The following PPARD variants were observed in gnomAD, a reference collection of about 807,000 sequenced individuals.
The protein encoded by PPARD is peroxisome proliferator activated receptor delta.
A neutral mutation model predicts 39.5 loss-of-function variants in PPARD; 6 were observed. That is an observed-to-expected ratio of 0.15 (90% CI 0.08 to 0.30). The LOEUF (loss-of-function observed/expected upper bound fraction) is 0.30. Ranked by LOEUF, PPARD falls within the 10% of genes least tolerant of loss-of-function variation. The probability of loss-of-function intolerance (pLI) is 1.00; values close to 1 mark genes in which losing one functional copy is unlikely to be tolerated. For missense variants in PPARD, 397 were observed against 596.8 expected (o/e 0.67, Z 3.49); for synonymous variants, 210 against 231.3 (o/e 0.91, Z 0.83).
chr6:35,410,321 A>T (rs1193950371), intron 2 of PPARD, among the ~76,000 whole-genome samples: 1 of 152,154 alleles, frequency 6.6e-6, no homozygotes. Context: ...AAGGGTTGGA[A>T]CTGTCTCCTC....
At position 35,412,840 on chromosome 6, in the gene PPARD, C is replaced by T. The variant is rs375433758; in HGVS notation, c.130+1623C>T. Reference sequence around the variant, plus strand: ...ATGGCTTTGGAGACACAGCCTGTCTCAGAAGAGAGGAACAGCTAACCAGGA... The same window carrying T: ...ATGGCTTTGGAGACACAGCCTGTCTTAGAAGAGAGGAACAGCTAACCAGGA... On this transcript the variant is annotated intron_variant, in intron 3 of 7. Transcript: ENST00000360694. The surrounding 1 kb of genome is among the most constrained non-coding windows in gnomAD (Gnocchi z 4.1). 1.3e-5 allele frequency among the ~76,000 whole-genome samples: 2 copies of T among 152,236 alleles called. No individual in the cohort carries two copies. The highest frequency in any genetic ancestry group is 2.1e-4 in the South Asian group (1 of 4,828).
chr6:35,355,803 G>T (rs1761577035), intron 2 of PPARD, among the ~76,000 whole-genome samples: 1 of 151,470 alleles, frequency 6.6e-6, no homozygotes, highest in South Asian at 2.1e-4. Context: ...GGTAGAGACA[G>T]GGTTTCACGG....
intron 2 of PPARD, among the ~76,000 whole-genome samples, chr6:35,391,130 G>T (rs1392218692): frequency 6.6e-6 from 1 of 152,186 alleles, no homozygotes; most frequent in Non-Finnish European, 1.5e-5. Context: ...ATGTAAAAAT[G>T]ATCTCTATCT....
intron 2 of PPARD, among the ~76,000 whole-genome samples, chr6:35,354,156 C>T (rs917192366): frequency 6.4e-4 from 85 of 133,450 alleles, no homozygotes; most frequent in African/African-American, 1.7e-3. Context: ...GGCATGAACC[C>T]GGGAGGCGGA....
chr6:35,371,299 G>A (rs1001017525), intron 2 of PPARD, among the ~76,000 whole-genome samples: 1 of 152,016 alleles, frequency 6.6e-6, no homozygotes, highest in East Asian at 1.9e-4. Context: ...TTGCTGCCCT[G>A]GTTCCTCTTC....
chr6:35,421,309 GTTT>G (rs111495656), intron 4 of PPARD, among the ~76,000 whole-genome samples: 2 of 74,930 alleles, frequency 2.7e-5, no homozygotes, highest in Non-Finnish European at 3.8e-5. Context: ...AAATAGTTGT[GTTT>G]TTTTTTTGTT....
chr6:35,416,103 C>G (rs1216001427), intron 3 of PPARD, among the ~76,000 whole-genome samples: 1 of 151,966 alleles, frequency 6.6e-6, no homozygotes, highest in South Asian at 2.1e-4. Context: ...TCTTAGTGGC[C>G]GGGCACAGTG....
intron 2 of PPARD, among the ~76,000 whole-genome samples, chr6:35,365,130 C>CCTTTTTTTT (rs1281072287): frequency 8.3e-5 from 10 of 121,086 alleles, no homozygotes; most frequent in African/African-American, 3.4e-4. Context: ...CTTCCTTATT[C>CCTTTTTTTT]TTTTTTTTTT....
intron 2 of PPARD, among the ~76,000 whole-genome samples, chr6:35,360,540 C>G (rs11967065): frequency 0.011 from 1,651 of 152,296 alleles, 18 homozygotes; most frequent in African/African-American, 0.035. Context: ...GAATTTGAGC[C>G]CTGTTCTTCT....
chr6:35,355,629 T>TTTTTGGG (rs1582284766), intron 2 of PPARD, among the ~76,000 whole-genome samples: 1 of 126,264 alleles, frequency 7.9e-6, no homozygotes, highest in Non-Finnish European at 1.6e-5. Context: ...TTTTTTTTTT[T>TTTTTGGG]GAGACGGAGT....
At chr6:35,362,755 C>T (rs192345354) in intron 2 of PPARD, among the ~76,000 whole-genome samples, 35 of 152,184 alleles carry the variant, frequency 2.3e-4, no homozygotes, top group Non-Finnish European at 2.8e-4. Context: ...GCCAGGAAGA[C>T]GCCTGGAGAA....
chr6:35,348,298 T>A (rs915397567), intron 2 of PPARD: 10 of 947,690 alleles, frequency 1.1e-5, no homozygotes, highest in Admixed American at 6.2e-5. Flanking sequence ...CTCATGGGTC[T>A]GTGGTTTGCT....
chr6:35,416,111 G>T (rs1030080866), intron 3 of PPARD, among the ~76,000 whole-genome samples: 6 of 152,106 alleles, frequency 3.9e-5, no homozygotes, highest in Non-Finnish European at 8.8e-5. Context: ...GCCGGGCACA[G>T]TGGCTCATGC....
Position 35,404,953 on chromosome 6 carries a change from T to TTGTGTGTGTGTGTGTGTG in PPARD, c.-101-6004_-101-5987dup, listed in dbSNP as rs59359748. On this transcript the variant is annotated intron_variant, in intron 2 of 7. Coordinates refer to ENST00000360694, the MANE Select transcript of PPARD (RefSeq NM_006238.5). ...GGGGGCTGCATGTGCACTGCAGGCT[T>TTGTGTGTGTGTGTGTGTG]TGTGTGTGTGTGTGTGTGTGTGTGT... Among the ~76,000 whole-genome samples the TTGTGTGTGTGTGTGTGTG allele has an allele frequency of 1.5e-4, 22 of 142,218 alleles. No homozygotes were observed. The East Asian group carries it at 1.7e-3, about 11-fold the overall frequency. 93.3% of individuals were successfully genotyped at this position (142,218 alleles called of 152,430 possible).
chr6:35,371,547 G>A (rs1367506697), intron 2 of PPARD, among the ~76,000 whole-genome samples: 2 of 151,938 alleles, frequency 1.3e-5, no homozygotes, highest in African/African-American at 4.8e-5. Flanking sequence ...TTAATAATCC[G>A]TCATTCTCTC....
chr6:35,360,311 A>G (rs1336509066), intron 2 of PPARD, among the ~76,000 whole-genome samples: 1 of 152,146 alleles, frequency 6.6e-6, no homozygotes, highest in Non-Finnish European at 1.5e-5. Context: ...GTGAAAAGAG[A>G]AAAGTTGGCC....
intron 2 of PPARD, among the ~76,000 whole-genome samples, chr6:35,378,697 C>T (rs1053479384): frequency 7.9e-5 from 12 of 152,062 alleles, no homozygotes; most frequent in African/African-American, 2.2e-4. Flanking sequence ...TCTGTATGCC[C>T]GGGGCCTCCG....
intron 2 of PPARD, among the ~76,000 whole-genome samples, chr6:35,357,692 T>G (rs1366770938): frequency 6.6e-6 from 1 of 152,014 alleles, no homozygotes; most frequent in Non-Finnish European, 1.5e-5. Context: ...ATGCGCCACC[T>G]CACCCAGCTA....
rs925615961 is a variant in PPARD, at chr6:35,351,127, G to A, written c.-102+3977G>A. 4.6e-5 allele frequency among the ~76,000 whole-genome samples: 7 copies of A among 151,836 alleles called. No individual in the cohort carries two copies. In the East Asian group the frequency reaches 1.4e-3, roughly 30 times the overall value. ...TGCAAGCCCCGCCTCCCGGGTTCAT[G>A]CCATTCTCCTGCCTCAGCCTCCCGA... On this transcript the variant is annotated intron_variant, in intron 2 of 7. Transcript: ENST00000360694.
Sources: gnomAD v4.1 joint callset for allele counts (sites outside exome capture counted in the v4.1 genomes callset) on GRCh38, gnomAD v4.1.1 for gene constraint, Gnocchi (gnomAD v3.1) non-coding constraint, MANE v1.5 for transcripts, NCBI Gene and HGNC (gene_info 2026-07-23, HGNC 2026-07-21) for gene names.